TMEM108: variants seen among roughly 807,000 people sequenced by gnomAD.
The protein encoded by TMEM108 is cancer/testis antigen 124.
TMEM108 carries 12 observed loss-of-function variants against 35.1 expected under a neutral mutation model. The ratio of observed to expected loss-of-function variants is 0.34; its 90% CI spans 0.22 to 0.55. The LOEUF is 0.55. TMEM108 is among the 20% of genes least tolerant of loss of function. The pLI, the probability that TMEM108 is intolerant of heterozygous loss-of-function variation, is 0.89. For synonymous variants in TMEM108, 287 were observed against 308.6 expected (o/e 0.93, Z 0.73); for missense variants, 680 against 753.3 (o/e 0.90, Z 1.14).
intron 2 of TMEM108, among the ~76,000 whole-genome samples, chr3:133,173,721 G>A (rs1015687729): frequency 2.0e-5 from 3 of 152,186 alleles, no homozygotes; most frequent in South Asian, 2.1e-4. Flanking sequence ...GTGGAGCCAA[G>A]ATAGCCAAAT....
In TMEM108 at chr3:133,293,172, A is replaced by G. The variant is rs574650881; in HGVS notation, c.40+63821A>G. Among the ~76,000 whole-genome samples the G allele has an allele frequency of 2.6e-5, 4 of 152,154 alleles. 1 individual carries two copies. Among genetic ancestry groups the G allele is most frequent in the African/African-American group, 9.6e-5 (4 of 41,530 alleles). ...AAATGTTAATTCTCATTGATAGAGT[A>G]TTCATTTAAACCATCTGCCATTCAT... On this transcript the variant is annotated intron_variant, in intron 3 of 5. Transcript: ENST00000321871.
At chr3:133,121,168 G>A (rs922963793) in intron 2 of TMEM108, among the ~76,000 whole-genome samples, 3 of 152,160 alleles carry the variant, frequency 2.0e-5, no homozygotes, top group African/African-American at 4.8e-5. Context: ...GAAACAAGCT[G>A]CCTTTCTTTT....
At chr3:133,369,361 C>T (rs927653509) in intron 3 of TMEM108, among the ~76,000 whole-genome samples, 3 of 152,178 alleles carry the variant, frequency 2.0e-5, no homozygotes, top group Non-Finnish European at 2.9e-5. Context: ...CGAGACTGGA[C>T]GTATCCGTGT....
rs145557333 is a variant in TMEM108 at position 133,211,634 on chromosome 3, C to T, written c.-46-17632C>T. Among the ~76,000 whole-genome samples, 73 of 152,222 alleles carry T rather than the reference C, an allele frequency of 4.8e-4. 1 individual carries two copies. Among genetic ancestry groups the T allele is most frequent in the African/African-American group, 1.5e-3 (63 of 41,536 alleles). ...AAATGATCCTAATTCACTTTAATGC[C>T]GGAAGAAGGAGGTTCTGTGTCATTC... On this transcript the variant is annotated intron_variant, in intron 2 of 5. Coordinates refer to ENST00000321871, the MANE Select transcript of TMEM108 (RefSeq NM_023943.4).
chr3:133,117,958 A>G (rs1944307824), intron 2 of TMEM108, among the ~76,000 whole-genome samples: 1 of 152,072 alleles, frequency 6.6e-6, no homozygotes, highest in African/African-American at 2.4e-5. Context: ...CTGTTTTAAA[A>G]CTGTCCTTCT....
At chr3:133,182,936 T>TA (rs1945368244) in intron 2 of TMEM108, among the ~76,000 whole-genome samples, 1 of 152,234 alleles carries the variant, frequency 6.6e-6, no homozygotes, top group South Asian at 2.1e-4. Flanking sequence ...GGAGATTTTA[T>TA]AATAACAAAA....
chr3:133,380,298 G>T lies in TMEM108; in HGVS notation c.587G>T (p.Gly196Val). ...APGGHSRSKE[G>V]QRGRNPSSTP... Reference sequence around the variant, plus strand: ...GGTGGCCACTCCAGGAGTAAAGAAGGACAGCGAGGACGAAATCCAAGCTCC... The same window carrying T: ...GGTGGCCACTCCAGGAGTAAAGAAGTACAGCGAGGACGAAATCCAAGCTCC... The change falls in exon 4 of 6, where the codon GGA becomes GTA. Residue 196 changes from glycine to valine, a missense_variant. Gly to Val is a moderately radical substitution (Grantham distance 109). Coordinates refer to ENST00000321871, the MANE Select transcript of TMEM108 (RefSeq NM_023943.4). The surrounding 1 kb of genome is among the most constrained non-coding windows in gnomAD (Gnocchi z 5.3). The T allele has an allele frequency of 6.2e-7, 1 of 1,614,148 alleles. No homozygotes were observed. The highest frequency in any genetic ancestry group is 8.5e-7 in the Non-Finnish European group (1 of 1,180,012).
At chr3:133,144,677 G>A (rs1019226555) in intron 2 of TMEM108, among the ~76,000 whole-genome samples, 17 of 152,120 alleles carry the variant, frequency 1.1e-4, no homozygotes, top group African/African-American at 3.1e-4. Context: ...GGTGTAAGAT[G>A]GTATCTCATT....
At chr3:133,271,265 G>C (rs1289201264) in intron 3 of TMEM108, among the ~76,000 whole-genome samples, 1 of 152,238 alleles carries the variant, frequency 6.6e-6, no homozygotes, top group Non-Finnish European at 1.5e-5. Context: ...GAAACAGGAG[G>C]AGGACCAGAG....
intron 2 of TMEM108, among the ~76,000 whole-genome samples, chr3:133,099,762 T>C (rs1226441490): frequency 2.0e-5 from 3 of 152,200 alleles, no homozygotes; most frequent in Non-Finnish European, 4.4e-5. Context: ...ACAAGTTCCT[T>C]GTCCTCATCT....
intron 2 of TMEM108, among the ~76,000 whole-genome samples, chr3:133,155,034 G>A (rs116339962): frequency 6.6e-6 from 1 of 152,020 alleles, no homozygotes; most frequent in Non-Finnish European, 1.5e-5. Context: ...GTAGTCCCCA[G>A]TGTCTGTTGT....
intron 2 of TMEM108, among the ~76,000 whole-genome samples, chr3:133,049,362 G>T (rs1255194051): frequency 2.0e-5 from 3 of 152,260 alleles, no homozygotes; most frequent in Admixed American, 6.5e-5. Flanking sequence ...CCCACTTGTG[G>T]TTAGTGGCTA....
intron 3 of TMEM108, among the ~76,000 whole-genome samples, chr3:133,373,572 CT>C (rs1044388308): frequency 6.6e-6 from 1 of 152,100 alleles, no homozygotes; most frequent in Non-Finnish European, 1.5e-5. Context: ...CCTCAGCTTT[CT>C]CATCTGTAAA....
chr3:133,258,076 A>C (rs1394638045), intron 3 of TMEM108, among the ~76,000 whole-genome samples: 1 of 152,110 alleles, frequency 6.6e-6, no homozygotes, highest in Non-Finnish European at 1.5e-5. Flanking sequence ...ATGTGATGGT[A>C]TTTGGAGGTG....
intron 2 of TMEM108, among the ~76,000 whole-genome samples, chr3:133,203,179 A>G (rs545176210): frequency 8.3e-4 from 127 of 152,328 alleles, no homozygotes; most frequent in African/African-American, 2.9e-3. Flanking sequence ...TTATCAGCTT[A>G]AGGAGATTTT....
intron 3 of TMEM108, among the ~76,000 whole-genome samples, chr3:133,354,273 CA>C (rs1190215791): frequency 6.6e-6 from 1 of 152,288 alleles, no homozygotes; most frequent in Middle Eastern, 3.4e-3. Flanking sequence ...TACACCACAT[CA>C]GGGGTCTGCT....
chr3:133,358,355 A>G (rs1251807081), intron 3 of TMEM108, among the ~76,000 whole-genome samples: 1 of 152,062 alleles, frequency 6.6e-6, no homozygotes, highest in African/African-American at 2.4e-5. Context: ...TATTTTTAGT[A>G]GAGACGGGGT....
Position 133,083,286 on chromosome 3 carries a change from G to C in TMEM108, c.-47+37266G>C, listed in dbSNP as rs575102263. 1.5e-4 allele frequency among the ~76,000 whole-genome samples: 22 copies of C among 151,088 alleles called. No homozygotes were observed. The South Asian group carries it at 3.1e-3, about 22-fold the overall frequency. On this transcript the variant is annotated intron_variant, in intron 2 of 5. Coordinates refer to ENST00000321871, the MANE Select transcript of TMEM108 (RefSeq NM_023943.4). ...GCACATTGTGATGGCACTGGAAACT[G>C]TCCCTCACTCCTCATCCCCCTCCCA... is the stretch of plus-strand genomic sequence containing the variant.
intron 2 of TMEM108, among the ~76,000 whole-genome samples, chr3:133,225,339 C>A (rs1271290725): frequency 1.3e-5 from 2 of 152,184 alleles, no homozygotes; most frequent in Non-Finnish European, 2.9e-5. Flanking sequence ...AGCCACCGCG[C>A]CCAGCCCCTA....
Sources: gnomAD v4.1 joint callset for allele counts (sites outside exome capture counted in the v4.1 genomes callset) on GRCh38, gnomAD v4.1.1 for gene constraint, Gnocchi (gnomAD v3.1) non-coding constraint, MANE v1.5 for transcripts, NCBI Gene and HGNC (gene_info 2026-07-23, HGNC 2026-07-21) for gene names.